Variants in ADCY8 observed in about 807,000 individuals in gnomAD.
The protein encoded by ADCY8 is adenylate cyclase 8, also known as adenylate cyclase type 8.
In ADCY8, 51 loss-of-function variants were observed where a neutral mutation model predicts 119.7. The observed-to-expected ratio is 0.43, with a 90% CI of 0.34 to 0.54. The LOEUF (loss-of-function observed/expected upper bound fraction) is 0.54, where lower values mean the gene tolerates loss of function less well. ADCY8 is among the 20% of genes least tolerant of loss of function. ADCY8 has a pLI of 0.03. For synonymous variants in ADCY8, 665 were observed against 651.0 expected (o/e 1.02, Z -0.33); for missense variants, 1,383 against 1,598.8 (o/e 0.87, Z 2.30).
chr8:130,821,978 A>G (rs1363573829), intron 12 of ADCY8, among the ~76,000 whole-genome samples: 1 of 152,192 alleles, frequency 6.6e-6, no homozygotes, highest in Non-Finnish European at 1.5e-5. Context: ...TTAACAATAG[A>G]TGATACTAAT....
intron 11 of ADCY8, among the ~76,000 whole-genome samples, chr8:130,846,686 C>T (rs990192840): frequency 4.3e-5 from 6 of 140,752 alleles, no homozygotes; most frequent in Non-Finnish European, 6.2e-5. Flanking sequence ...CCTTCCCCTT[C>T]CTTTCTTCCC....
rs1819688134 is a variant in ADCY8, at chr8:130,903,847, T to C, written c.1836A>G (p.Arg612=). The change falls in exon 7 of 18, where the codon AGA becomes AGG. Residue 612 remains arginine (R), a synonymous_variant. Coordinates refer to ENST00000286355, the MANE Select transcript of ADCY8 (RefSeq NM_001115.3). ...VKESVSSSDR[R]NSGATFTEGS... ...CTTCAGTGAATGTGGCCCCACTGTTTCTCCGGTCTGAGGAGCTCACTGACT... is the reference window on the plus strand; with the variant it reads ...CTTCAGTGAATGTGGCCCCACTGTTCCTCCGGTCTGAGGAGCTCACTGACT... 1.9e-6 allele frequency: 3 copies of C among 1,613,838 alleles called. No homozygotes were observed. Among genetic ancestry groups the C allele is most frequent in the African/African-American group, 2.7e-5 (2 of 74,898 alleles).
At chr8:130,945,334 GT>G (rs1258373609) in intron 3 of ADCY8, among the ~76,000 whole-genome samples, 1 of 152,230 alleles carries the variant, frequency 6.6e-6, no homozygotes, top group African/African-American at 2.4e-5. Context: ...TAGATTTTCA[GT>G]TTACTAAGCT....
At chr8:130,977,720 G>C (rs929909736) in intron 2 of ADCY8, among the ~76,000 whole-genome samples, 1 of 152,194 alleles carries the variant, frequency 6.6e-6, no homozygotes, top group Non-Finnish European at 1.5e-5. Context: ...TGTAAATTGA[G>C]GCACAGAGAG....
intron 1 of ADCY8, among the ~76,000 whole-genome samples, chr8:131,002,981 A>G (rs991055141): frequency 6.6e-6 from 1 of 152,162 alleles, no homozygotes; most frequent in East Asian, 1.9e-4. Flanking sequence ...CAGGTGCATC[A>G]CCTGAGGTCA....
intron 1 of ADCY8, among the ~76,000 whole-genome samples, chr8:131,012,906 A>C (rs1266408634): frequency 1.3e-5 from 2 of 152,144 alleles, no homozygotes; most frequent in African/African-American, 4.8e-5. Context: ...GCTTCCTACA[A>C]ACTTATCTCC....
At chr8:130,921,303 A>C (rs1197295426) in intron 5 of ADCY8, among the ~76,000 whole-genome samples, 1 of 152,142 alleles carries the variant, frequency 6.6e-6, no homozygotes, top group Non-Finnish European at 1.5e-5. Context: ...AAAAAATTAA[A>C]AAAGCTGAAG....
In ADCY8 at chr8:130,832,005, T is replaced by G. The variant is rs147886920; in HGVS notation, c.2675+4272A>C. ...ACTATTATTATTCCCTCCTTACTGA[T>G]GAGAAAAACAGGGCTTAGAGAAGTT... On this transcript the variant is annotated intron_variant, in intron 12 of 17. Transcript: ENST00000286355. Among the ~76,000 whole-genome samples the G allele has an allele frequency of 3.9e-3, 600 of 152,338 alleles. 2 individuals are homozygous for G. The highest frequency in any genetic ancestry group is 6.3e-3 in the Non-Finnish European group (426 of 68,030).
At chr8:130,790,180 A>G (rs1318990412) in intron 15 of ADCY8, among the ~76,000 whole-genome samples, 1 of 152,154 alleles carries the variant, frequency 6.6e-6, no homozygotes, top group Admixed American at 6.5e-5. Context: ...CTTCTCTTCC[A>G]GATTTGAACT....
At chr8:130,908,681 T>C (rs896691240) in intron 6 of ADCY8, among the ~76,000 whole-genome samples, 8 of 152,076 alleles carry the variant, frequency 5.3e-5, no homozygotes, top group Admixed American at 2.6e-4. Context: ...GTGAAGAAAG[T>C]TGGACTCAGA....
At chr8:130,988,269 A>G (rs372904798) in intron 2 of ADCY8, among the ~76,000 whole-genome samples, 12 of 152,334 alleles carry the variant, frequency 7.9e-5, no homozygotes, top group African/African-American at 2.9e-4. Flanking sequence ...AGCACTGATG[A>G]TGTGGAGTCA....
In ADCY8 at chr8:130,943,466, AAC is replaced by A. The variant is rs750245404; in HGVS notation, c.1242-6_1242-5del. On this transcript the variant is annotated splice_region_variant and splice_polypyrimidine_tract_variant and intron_variant, in intron 3 of 17. Transcript: ENST00000286355. The stretch of plus-strand genomic sequence containing the variant: ...TTTAACATCTGCAAAAAGAATACTA[AAC>A]ACAGGGAAGAGGGTGGGGGTGGGGG... The A allele has an allele frequency of 1.9e-5, 12 of 641,852 alleles. No homozygotes were observed. Among genetic ancestry groups the A allele is most frequent in the Non-Finnish European group, 3.0e-5 (11 of 369,954 alleles). 39.8% of individuals were successfully genotyped at this position (641,852 alleles called of 1,614,324 possible). A position where few individuals can be genotyped will look rare whatever the true frequency, so the allele number is the denominator to read the frequency against.
At chr8:130,793,905 C>G (rs773554988) in intron 15 of ADCY8, among the ~76,000 whole-genome samples, 1 of 152,148 alleles carries the variant, frequency 6.6e-6, no homozygotes, top group Non-Finnish European at 1.5e-5. Context: ...CTCACAGACT[C>G]TCAGAATGTG....
chr8:130,797,352 A>G (rs1305266537), intron 15 of ADCY8, among the ~76,000 whole-genome samples: 6 of 152,242 alleles, frequency 3.9e-5, no homozygotes, highest in South Asian at 2.1e-4. Context: ...CCCCTGCTAT[A>G]AAGTTTAAAA....
At chr8:130,908,656 A>C (rs1268690896) in intron 6 of ADCY8, among the ~76,000 whole-genome samples, 1 of 152,206 alleles carries the variant, frequency 6.6e-6, no homozygotes, top group Admixed American at 6.5e-5. Context: ...AAGTAGTATT[A>C]TCTCTCTTCC....
chr8:130,783,879 C>A (rs1339521230), intron 16 of ADCY8, 74 bp from the exon 17 acceptor site: 3 of 1,206,728 alleles, frequency 2.5e-6, no homozygotes, highest in African/African-American at 1.5e-5. Flanking sequence ...GCAGCAGGGG[C>A]TTTACGTCCT....
chr8:130,814,089 C>G lies in ADCY8; in HGVS notation c.2893G>C (p.Glu965Gln), dbSNP rs777142741. The change falls in exon 14 of 18, where the codon GAG (glutamate) becomes CAG (glutamine). Residue 965 changes from glutamate to glutamine, a missense_variant. Coordinates refer to ENST00000286355, the MANE Select transcript of ADCY8 (RefSeq NM_001115.3). ...CTCACCTCATTGTCTCGGTCCTTCTCTAGGAAATGGCGGGCCACATGGCTG... is the reference window on the plus strand; with the variant it reads ...CTCACCTCATTGTCTCGGTCCTTCTGTAGGAAATGGCGGGCCACATGGCTG... ...LPSHVARHFL[E>Q]KDRDNEELYS... is the part of the protein sequence containing the mutation. 1 of 1,614,150 alleles carries G rather than the reference C, an allele frequency of 6.2e-7. No individual in the cohort carries two copies. Among genetic ancestry groups the G allele is most frequent in the Non-Finnish European group, 8.5e-7 (1 of 1,180,016 alleles).
chr8:131,032,615 C>A (rs1353913934), intron 1 of ADCY8, among the ~76,000 whole-genome samples: 1 of 152,094 alleles, frequency 6.6e-6, no homozygotes, highest in South Asian at 2.1e-4. Context: ...TGTCTGGCAT[C>A]TCCATAGTTA....
chr8:130,935,672 T>C (rs1240493006), intron 5 of ADCY8: 1 of 152,240 alleles, frequency 6.6e-6, no homozygotes, highest in Non-Finnish European at 1.5e-5. Flanking sequence ...TGAGTGACCA[T>C]CTTTGCTACA....
Sources: gnomAD v4.1 joint callset for allele counts (sites outside exome capture counted in the v4.1 genomes callset) on GRCh38, gnomAD v4.1.1 for gene constraint, MANE v1.5 for transcripts, NCBI Gene and HGNC (gene_info 2026-07-23, HGNC 2026-07-21) for gene names.